CNTN5: variants seen among roughly 807,000 people sequenced by gnomAD.
CNTN5 encodes contactin 5.
CNTN5 carries 77 observed loss-of-function variants against 129.1 expected under a neutral mutation model. That is an observed-to-expected ratio of 0.60 (90% CI 0.50 to 0.72). The LOEUF is 0.72. CNTN5 is among the 30% of genes least tolerant of loss of function. The pLI, the probability that CNTN5 is intolerant of heterozygous loss-of-function variation, is 0.00. For synonymous variants in CNTN5, 509 were observed against 465.6 expected (o/e 1.09, Z -1.20); for missense variants, 1,478 against 1,328.8 (o/e 1.11, Z -1.75).
intron 7 of CNTN5, among the ~76,000 whole-genome samples, chr11:99,940,799 A>G (rs1796713304): frequency 6.6e-6 from 1 of 152,116 alleles, no homozygotes; most frequent in Admixed American, 6.6e-5. Flanking sequence ...ATTTTTCTGC[A>G]GATAGATTAA....
At chr11:100,081,262 G>A (rs1944354562) in intron 13 of CNTN5, among the ~76,000 whole-genome samples, 1 of 152,048 alleles carries the variant, frequency 6.6e-6, no homozygotes, top group Admixed American at 6.6e-5. Flanking sequence ...AGAATATATA[G>A]CATTGGAAAT....
At chr11:99,566,389 C>G (rs531327237) in intron 3 of CNTN5, among the ~76,000 whole-genome samples, 25 of 152,310 alleles carry the variant, frequency 1.6e-4, no homozygotes, top group Admixed American at 2.6e-4. Flanking sequence ...TACGAATTAT[C>G]TAGCTTCAGA....
chr11:99,633,980 G>A (rs17668938), intron 3 of CNTN5, among the ~76,000 whole-genome samples: 1,670 of 152,276 alleles, frequency 0.011, 15 homozygotes, highest in Non-Finnish European at 0.017. Flanking sequence ...TACAGCAAAA[G>A]TTTAATACTG....
intron 6 of CNTN5, among the ~76,000 whole-genome samples, chr11:99,873,383 C>T (rs1013949651): frequency 4.0e-5 from 6 of 151,888 alleles, no homozygotes; most frequent in Admixed American, 6.6e-5. Flanking sequence ...ACTAACAACC[C>T]CATTAGAAAC....
chr11:99,131,076 C>G (rs1858907267), intron 1 of CNTN5, among the ~76,000 whole-genome samples: 1 of 146,234 alleles, frequency 6.8e-6, no homozygotes, highest in Admixed American at 6.9e-5. Context: ...TCCTGGCTAA[C>G]ATGGTGAAAC....
chr11:100,212,172 T>C (rs938967337), intron 15 of CNTN5, among the ~76,000 whole-genome samples: 1 of 152,154 alleles, frequency 6.6e-6, no homozygotes, highest in Non-Finnish European at 1.5e-5. Flanking sequence ...TATTTTACAT[T>C]CTTTTTCTGA....
chr11:99,169,966 G>T (rs1196542573), intron 1 of CNTN5, among the ~76,000 whole-genome samples: 1 of 151,924 alleles, frequency 6.6e-6, no homozygotes, highest in South Asian at 2.1e-4. Context: ...AATGTATAAC[G>T]AAAATTAATA....
intron 1 of CNTN5, among the ~76,000 whole-genome samples, chr11:99,271,427 A>G (rs116353279): frequency 6.6e-6 from 1 of 152,038 alleles, no homozygotes; most frequent in African/African-American, 2.4e-5. Flanking sequence ...ACTTTGACAA[A>G]ATTTATTCAT....
chr11:99,795,436 C>A (rs1004791482), intron 3 of CNTN5, among the ~76,000 whole-genome samples: 8 of 152,128 alleles, frequency 5.3e-5, no homozygotes, highest in Non-Finnish European at 8.8e-5. Flanking sequence ...GCCATTTCAG[C>A]CTGATTAAGA....
intron 8 of CNTN5, among the ~76,000 whole-genome samples, chr11:99,960,694 A>G (rs1950919321): frequency 6.6e-6 from 1 of 152,188 alleles, no homozygotes; most frequent in African/African-American, 2.4e-5. Flanking sequence ...TAGTTTGGAT[A>G]ACAGTGTTCA....
chr11:99,583,484 T>C (rs1326289191), intron 3 of CNTN5, among the ~76,000 whole-genome samples: 1 of 152,180 alleles, frequency 6.6e-6, no homozygotes. Context: ...CAGTTTGAGC[T>C]TCCCATCCGC....
chr11:100,195,547 C>G (rs1948616135), intron 15 of CNTN5, among the ~76,000 whole-genome samples: 1 of 151,754 alleles, frequency 6.6e-6, no homozygotes, highest in Admixed American at 6.6e-5. Flanking sequence ...TAATTACAAC[C>G]CACTTTGAAA....
chr11:99,849,952 A>G (rs1033778603), intron 6 of CNTN5, among the ~76,000 whole-genome samples: 9 of 152,204 alleles, frequency 5.9e-5, no homozygotes, highest in South Asian at 2.1e-4. Flanking sequence ...GAATCTTTTT[A>G]AAAATCTTAC....
chr11:100,021,982 TCTC>T (rs1273980480), intron 9 of CNTN5, among the ~76,000 whole-genome samples: 2 of 152,122 alleles, frequency 1.3e-5, no homozygotes, highest in African/African-American at 4.8e-5. Flanking sequence ...TCTACCTTCT[TCTC>T]CCTGCTTTTT....
chr11:99,436,095 A>G (rs1393939701), intron 2 of CNTN5, among the ~76,000 whole-genome samples: 4 of 152,168 alleles, frequency 2.6e-5, no homozygotes, highest in African/African-American at 9.7e-5. Flanking sequence ...AAGATCTTAA[A>G]TGTTCTAAAG....
chr11:99,676,318 A>G (rs1340702293), intron 3 of CNTN5, among the ~76,000 whole-genome samples: 2 of 152,210 alleles, frequency 1.3e-5, no homozygotes, highest in Middle Eastern at 3.2e-3. Context: ...ACTACAACAT[A>G]AAAACGAAAA....
intron 1 of CNTN5, among the ~76,000 whole-genome samples, chr11:99,324,167 C>T (rs1049322844): frequency 6.6e-6 from 1 of 152,120 alleles, no homozygotes; most frequent in Non-Finnish European, 1.5e-5. Context: ...AAGGTCAATA[C>T]CCTTTGGTAG....
intron 10 of CNTN5, among the ~76,000 whole-genome samples, chr11:100,065,546 A>G (rs1055744075): frequency 1.6e-4 from 25 of 152,050 alleles, no homozygotes; most frequent in Admixed American, 4.6e-4. Context: ...TAAGATTCCC[A>G]TTTGACAGAC....
chr11:100,344,184 G>A (rs1039531966), intron 23 of CNTN5, among the ~76,000 whole-genome samples: 30 of 152,026 alleles, frequency 2.0e-4, no homozygotes, highest in African/African-American at 7.2e-4. Flanking sequence ...CTGAGAACTT[G>A]GGATTAATGC....
Sources: gnomAD v4.1 joint callset for allele counts (sites outside exome capture counted in the v4.1 genomes callset) on GRCh38, gnomAD v4.1.1 for gene constraint, MANE v1.5 for transcripts, NCBI Gene and HGNC (gene_info 2026-07-23, HGNC 2026-07-21) for gene names.